CDKN2A: variants seen among roughly 807,000 people sequenced by gnomAD.
The protein encoded by CDKN2A is cyclin-dependent kinase inhibitor 2A.
In CDKN2A, 3 loss-of-function variants were observed where a neutral mutation model predicts 11.1. The ratio of observed to expected loss-of-function variants is 0.27; its 90% CI spans 0.12 to 0.70. The LOEUF is 0.70. Among genes scored for constraint, CDKN2A ranks in the 30% least tolerant of loss-of-function variants. The probability of loss-of-function intolerance (pLI) is 0.77; values close to 1 mark genes in which losing one functional copy is unlikely to be tolerated. For missense variants in CDKN2A, 265 were observed against 233.6 expected (o/e 1.13, Z -0.88); for synonymous variants, 122 against 108.1 (o/e 1.13, Z -0.80).
Position 21,974,838 on chromosome 9 carries a change from G to C in CDKN2A, c.-11C>G, listed in dbSNP as rs763379519. 1 of 1,565,652 alleles carries C rather than the reference G, an allele frequency of 6.4e-7. No homozygotes were observed. Among genetic ancestry groups the C allele is most frequent in the Non-Finnish European group, 8.6e-7 (1 of 1,161,424 alleles). ...CGCCGCCGGCTCCATGCTGCTCCCC[G>C]CCGCCCGCTGCCTGCTCTCCCCCTC... On this transcript the variant is annotated 5_prime_UTR_variant, in exon 1 of 3. Transcript: ENST00000304494. This position sits in a 1 kb window ranked among gnomAD's most constrained non-coding sequence, Gnocchi z 5.2.
Position 21,968,462 on chromosome 9 carries a change from C to G in CDKN2A, c.458-220G>C. On this transcript the variant is annotated intron_variant, in intron 2 of 2. Coordinates refer to ENST00000304494, the MANE Select transcript of CDKN2A (RefSeq NM_000077.5). This position sits in a 1 kb window ranked among gnomAD's most constrained non-coding sequence, Gnocchi z 4.7. The stretch of plus-strand genomic sequence containing the variant: ...GCCTGGCTGCTCCAGGCGCGCCGAC[C>G]GCTCAAGCGCTCCAGGTCCACCCGG... 1 of 1,480,914 alleles carries G rather than the reference C, an allele frequency of 6.8e-7. No homozygotes were observed. Among genetic ancestry groups the G allele is most frequent in the Non-Finnish European group, 8.9e-7 (1 of 1,120,056 alleles). The allele number at this position is 1,480,914 out of a possible 1,614,324, so 91.7% of individuals were successfully genotyped here.
At chr9:21,976,769 C>A (rs564928054), upstream of CDKN2A, among the ~76,000 whole-genome samples, 3 of 152,152 alleles carry the variant, frequency 2.0e-5, no homozygotes, top group East Asian at 3.9e-4. Context: ...AACTTACTCC[C>A]TGAAAAGATT....
In CDKN2A at chr9:21,974,675, C is replaced by G. The variant is rs1273202315; in HGVS notation, c.150+3G>C. ...CTGCTCCCGCTGCAGACCCTCTACC[C>G]ACCTGGATCGGCCTCCGACCGTAAC... On this transcript the variant is annotated splice_donor_region_variant and intron_variant, in intron 1 of 2. Coordinates refer to ENST00000304494, the MANE Select transcript of CDKN2A (RefSeq NM_000077.5). The surrounding 1 kb of genome is among the most constrained non-coding windows in gnomAD (Gnocchi z 5.2). The G allele has an allele frequency of 1.2e-6, 2 of 1,614,022 alleles. No homozygotes were observed. The highest frequency in any genetic ancestry group is 1.7e-6 in the Non-Finnish European group (2 of 1,180,036).
At chr9:21,979,862 C>A (rs1215160259) in intron 2 of CDKN2A, among the ~76,000 whole-genome samples, 5 of 152,034 alleles carry the variant, frequency 3.3e-5, no homozygotes, top group Admixed American at 1.3e-4. Flanking sequence ...CTAAAGAAAG[C>A]CCTGCAGTGG....
Position 21,970,637 on chromosome 9 carries a change from G to A in CDKN2A, c.457+265C>T. On this transcript the variant is annotated intron_variant, in intron 2 of 2. Coordinates refer to ENST00000304494, the MANE Select transcript of CDKN2A (RefSeq NM_000077.5). ...AGTCTAGGCCTTGAACTAGCAGAGG[G>A]TAGGTGTTTGGGTGGTGGTATGCTT... 1.8e-5 allele frequency: 11 copies of A among 607,662 alleles called. No individual in the cohort carries two copies. In the South Asian group the frequency reaches 2.0e-4, roughly 11 times the overall value. 37.6% of individuals were successfully genotyped at this position (607,662 alleles called of 1,614,324 possible).
intron 1 of CDKN2A, among the ~76,000 whole-genome samples, chr9:21,973,027 AAG>A (rs1459761653): frequency 6.6e-6 from 1 of 152,188 alleles, no homozygotes; most frequent in African/African-American, 2.4e-5. Context: ...CAAAGAGACA[AAG>A]AGAAAGTATA....
rs1820554191 is a variant in CDKN2A at position 21,994,584 on chromosome 9, CGGGAA to C, written c.-176+232_-176+236del. The C allele has an allele frequency of 8.9e-6, 8 of 903,198 alleles. No homozygotes were observed. In the South Asian group the frequency reaches 2.4e-4, roughly 27 times the overall value. 55.9% of individuals were successfully genotyped at this position (903,198 alleles called of 1,614,324 possible). ...GGAACGGCTCTGAGCCCTGCGCACG[CGGGAA>C]GGGCTGCCGGAGGCGCCCGTAGGGA... On this transcript the variant is annotated intron_variant, in intron 1 of 3. Coordinates refer to the CDKN2A transcript ENST00000494262.
intron 2 of CDKN2A, chr9:21,989,648 T>TC (rs1820377340): frequency 6.6e-6 from 1 of 152,024 alleles, no homozygotes; most frequent in African/African-American, 2.4e-5. Context: ...CATCTACCCA[T>TC]CCCCTCCAAA....
chr9:21,974,389 T>C lies in CDKN2A; in HGVS notation c.150+289A>G, dbSNP rs1262117947. 1 of 1,570,100 alleles carries C rather than the reference T, an allele frequency of 6.4e-7. No individual in the cohort carries two copies. The highest frequency in any genetic ancestry group is 1.4e-5 in the African/African-American group (1 of 73,764). ...CCCAAACGTTCGTAAATTTTGTATC[T>C]GATAAAGAGCATACTTCCATCTAAT... On this transcript the variant is annotated intron_variant, in intron 1 of 2. Coordinates refer to ENST00000304494, the MANE Select transcript of CDKN2A (RefSeq NM_000077.5). The surrounding 1 kb of genome is among the most constrained non-coding windows in gnomAD (Gnocchi z 5.2).
chr9:21,980,173 T>C (rs1820138330), intron 2 of CDKN2A, among the ~76,000 whole-genome samples: 1 of 151,744 alleles, frequency 6.6e-6, no homozygotes, highest in Non-Finnish European at 1.5e-5. Context: ...AGATTATTTC[T>C]AGATTCATTG....
chr9:21,976,238 C>T (rs1002423350), upstream of CDKN2A, among the ~76,000 whole-genome samples: 25 of 151,692 alleles, frequency 1.6e-4, no homozygotes, highest in African/African-American at 5.8e-4. Context: ...AATTAGCTGG[C>T]CATGGTGGCG....
rs1228064567 is a variant in CDKN2A at position 21,968,871 on chromosome 9, G to A, written c.458-629C>T. ...CTCCAGCTCGCCGTTCGGTTCTCCCGAGGCAGCATTTACACTTGAGAGTCT... is the reference window on the plus strand; with the variant it reads ...CTCCAGCTCGCCGTTCGGTTCTCCCAAGGCAGCATTTACACTTGAGAGTCT... On this transcript the variant is annotated intron_variant, in intron 2 of 2. Transcript: ENST00000304494. The surrounding 1 kb of genome is among the most constrained non-coding windows in gnomAD (Gnocchi z 4.7). The A allele has an allele frequency of 8.5e-7, 1 of 1,183,312 alleles. No homozygotes were observed. The highest frequency in any genetic ancestry group is 2.0e-5 in the Admixed American group (1 of 50,466). The allele number at this position is 1,183,312 out of a possible 1,614,324, so 73.3% of individuals were successfully genotyped here. A position where few individuals can be genotyped will look rare whatever the true frequency, so the allele number is the denominator to read the frequency against.
chr9:21,990,365 T>A (rs1209212464), intron 2 of CDKN2A, among the ~76,000 whole-genome samples: 1 of 152,156 alleles, frequency 6.6e-6, no homozygotes, highest in Non-Finnish European at 1.5e-5. Flanking sequence ...CACGTTCTCG[T>A]GTATGACACT....
At chr9:21,980,972 GTATATATATATATACACGTATA>G (rs1820162025) in intron 2 of CDKN2A, among the ~76,000 whole-genome samples, 1 of 9,544 alleles carries the variant, frequency 1.0e-4, no homozygotes, top group Admixed American at 2.2e-3. Flanking sequence ...AAAAAAAAAT[GTATATATATATATACACGTATA>G]TATATATACG....
At chr9:21,975,339 G>A (rs543156773), upstream of CDKN2A, among the ~76,000 whole-genome samples, 1 of 152,138 alleles carries the variant, frequency 6.6e-6, no homozygotes, top group Non-Finnish European at 1.5e-5. Flanking sequence ...AATTGAATCG[G>A]GGTGTTTGGT....
At chr9:21,982,843 G>A (rs1332283745) in intron 2 of CDKN2A, among the ~76,000 whole-genome samples, 2 of 151,664 alleles carry the variant, frequency 1.3e-5, no homozygotes, top group African/African-American at 2.4e-5. Context: ...ATGGGATAGA[G>A]AGTATTATTC....
chr9:21,985,754 T>C (rs1820285114), intron 2 of CDKN2A, among the ~76,000 whole-genome samples: 1 of 151,994 alleles, frequency 6.6e-6, no homozygotes. Context: ...AAGGCCACCA[T>C]ATAGATCTTC....
At position 21,994,169 on chromosome 9, in the gene CDKN2A, G is replaced by C. The variant is rs1820527497; in HGVS notation, c.-175-116C>G. The C allele has an allele frequency of 6.2e-7, 1 of 1,603,814 alleles. No homozygotes were observed. The highest frequency in any genetic ancestry group is 1.3e-5 in the African/African-American group (1 of 75,068). ...CTTCTAGGAAGCGGCTGCTGCCCTA[G>C]ACGCTGGCTCCTCAGTAGCATCAGC... is the stretch of plus-strand genomic sequence containing the variant. On this transcript the variant is annotated intron_variant, in intron 1 of 3. Coordinates refer to the CDKN2A transcript ENST00000494262.
In CDKN2A at chr9:21,991,676, A is replaced by G. The variant is rs1820433432; in HGVS notation, c.-4+2206T>C. 1 of 984,534 alleles carries G rather than the reference A, an allele frequency of 1.0e-6. No homozygotes were observed. The highest frequency in any genetic ancestry group is 1.1e-4 in the East Asian group (1 of 8,828). 61.0% of individuals were successfully genotyped at this position (984,534 alleles called of 1,614,324 possible). Reference sequence around the variant, plus strand: ...GATAGTGATGAACTAACGTGGAATAATAGATCTGTAAACCATCATAGACGG... The same window carrying G: ...GATAGTGATGAACTAACGTGGAATAGTAGATCTGTAAACCATCATAGACGG... On this transcript the variant is annotated intron_variant, in intron 2 of 3. Coordinates refer to the CDKN2A transcript ENST00000494262. This position sits in a 1 kb window ranked among gnomAD's most constrained non-coding sequence, Gnocchi z 5.2.
Sources: gnomAD v4.1 joint callset for allele counts (sites outside exome capture counted in the v4.1 genomes callset) on GRCh38, gnomAD v4.1.1 for gene constraint, Gnocchi (gnomAD v3.1) non-coding constraint, MANE v1.5 for transcripts, NCBI Gene and HGNC (gene_info 2026-07-23, HGNC 2026-07-21) for gene names.